The following ZNF875 variants were observed in gnomAD, a reference collection of about 807,000 sequenced individuals.
ZNF875 encodes the protein zinc finger protein 875.
In ZNF875, 14 loss-of-function variants were observed where a neutral mutation model predicts 11.2. That is an observed-to-expected ratio of 1.26 (90% CI 0.83 to 1.96). The LOEUF is 1.96. Ranked by LOEUF, ZNF875 falls within the 30% of genes most tolerant of loss-of-function variation. The pLI, the probability that ZNF875 is intolerant of heterozygous loss-of-function variation, is 0.00. For missense variants in ZNF875, 752 were observed against 760.4 expected, an observed-to-expected ratio of 0.99 and a Z score of 0.13; for synonymous variants, 301 against 281.1, an observed-to-expected ratio of 1.07 and a Z score of -0.71.
chr19:37,349,602 AT>A (rs1444740823), intron 4 of ZNF875, among the ~76,000 whole-genome samples: 3 of 152,130 alleles, frequency 2.0e-5, no homozygotes, highest in Admixed American at 6.5e-5. Context: ...AAAATAAATC[AT>A]TGAGGTGAAC....
intron 2 of ZNF875, among the ~76,000 whole-genome samples, chr19:37,322,794 G>A (rs751240413): frequency 6.6e-6 from 1 of 152,166 alleles, no homozygotes; most frequent in Non-Finnish European, 1.5e-5. Context: ...TTACAGGGAA[G>A]CCCATATTTT....
intron 4 of ZNF875, among the ~76,000 whole-genome samples, chr19:37,361,011 C>A (rs1028259417): frequency 1.1e-4 from 17 of 151,130 alleles, no homozygotes; most frequent in Admixed American, 7.9e-4. Context: ...TTTATGCTTA[C>A]AAAATTATAT....
upstream of ZNF875, among the ~76,000 whole-genome samples, chr19:37,333,971 A>G (rs1047514360): frequency 2.0e-5 from 3 of 151,938 alleles, no homozygotes; most frequent in Non-Finnish European, 4.4e-5. Flanking sequence ...CCAGCCTCCA[A>G]TAAAAACCTC....
chr19:37,355,985 C>T lies in ZNF875; in HGVS notation c.257-6124C>T, dbSNP rs771524249. 5.7e-4 allele frequency among the ~76,000 whole-genome samples: 86 copies of T among 152,172 alleles called. No individual in the cohort carries two copies. The Middle Eastern group carries it at 0.034, about 60-fold the overall frequency. ...TGTCTATTATTTCCATCTTTATGTC[C>T]GTGTGTACCCATTGTTTAGCTCCTA... On this transcript the variant is annotated intron_variant, in intron 4 of 4. Coordinates refer to ENST00000392153, the MANE Select transcript of ZNF875 (RefSeq NM_001353803.2).
At chr19:37,344,315 G>A (rs1007572490) in intron 2 of ZNF875, among the ~76,000 whole-genome samples, 2 of 152,008 alleles carry the variant, frequency 1.3e-5, no homozygotes, top group Non-Finnish European at 2.9e-5. Context: ...AACATTGCTG[G>A]GCTCCCCCCG....
intron 4 of ZNF875, among the ~76,000 whole-genome samples, chr19:37,352,308 G>T (rs530230232): frequency 2.0e-5 from 3 of 151,798 alleles, no homozygotes; most frequent in South Asian, 2.1e-4. Context: ...GAGATGCCAC[G>T]ACCAAACACC....
At chr19:37,353,317 A>C (rs931288156) in intron 4 of ZNF875, among the ~76,000 whole-genome samples, 1 of 152,224 alleles carries the variant, frequency 6.6e-6, no homozygotes, top group Non-Finnish European at 1.5e-5. Context: ...TAATGTAAGA[A>C]TCTCACAAGA....
chr19:37,331,346 C>T (rs1304601411), upstream of ZNF875, among the ~76,000 whole-genome samples: 1 of 151,020 alleles, frequency 6.6e-6, no homozygotes, highest in East Asian at 2.0e-4. Context: ...TCTCCTGCCT[C>T]ACCCTCCCAA....
intron 2 of ZNF875, 134 bp downstream of exon 2, chr19:37,335,391 G>A: frequency 1.8e-6 from 1 of 563,706 alleles, no homozygotes; most frequent in South Asian, 2.1e-5. Flanking sequence ...CATAGAACAA[G>A]GAGGATTTTG....
At chr19:37,329,774 A>G (rs531955230), upstream of ZNF875, among the ~76,000 whole-genome samples, 1 of 152,260 alleles carries the variant, frequency 6.6e-6, no homozygotes, top group Non-Finnish European at 1.5e-5. Flanking sequence ...AGTGGACTAC[A>G]GTGTGGTACC....
chr19:37,327,526 G>C (rs1163426207), intron 4 of ZNF875, among the ~76,000 whole-genome samples: 3 of 151,878 alleles, frequency 2.0e-5, no homozygotes, highest in Non-Finnish European at 1.5e-5. Flanking sequence ...CCAGCACTTT[G>C]GGAGGCCGAG....
chr19:37,339,368 A>G (rs775017418), intron 2 of ZNF875, among the ~76,000 whole-genome samples: 8 of 151,896 alleles, frequency 5.3e-5, no homozygotes, highest in Non-Finnish European at 8.8e-5. Flanking sequence ...TTGTTTCCCA[A>G]TTTTTGGACT....
At position 37,364,192 on chromosome 19, in the gene ZNF875, C is replaced by T. The variant is rs756726560; in HGVS notation, c.*417C>T. ...GTGCTTTCCTCCGATTGATCCCAAC[C>T]CTTCACCTATTTTACGTATACCTGC... On this transcript the variant is annotated 3_prime_UTR_variant, in exon 5 of 5. Coordinates refer to ENST00000392153, the MANE Select transcript of ZNF875 (RefSeq NM_001353803.2). 1 of 185,974 alleles carries T rather than the reference C, an allele frequency of 5.4e-6. No individual in the cohort carries two copies. Among genetic ancestry groups the T allele is most frequent in the East Asian group, 1.5e-4 (1 of 6,862 alleles). 11.5% of individuals were successfully genotyped at this position (185,974 alleles called of 1,614,324 possible). A position where few individuals can be genotyped will look rare whatever the true frequency, so the allele number is the denominator to read the frequency against.
chr19:37,351,016 C>T (rs1002464327), intron 4 of ZNF875, among the ~76,000 whole-genome samples: 1 of 151,752 alleles, frequency 6.6e-6, no homozygotes, highest in East Asian at 1.9e-4. Context: ...GTTGGCCAAC[C>T]TAGTCTCGAA....
rs1262782218 is a variant in ZNF875 at position 37,363,669 on chromosome 19, A to G, written c.1817A>G (p.His606Arg). ...AGCCGGCAGTCACACCTCATTAGACACCAGAGGACACATTCAGGAGAGAAG... is the reference window on the plus strand; with the variant it reads ...AGCCGGCAGTCACACCTCATTAGACGCCAGAGGACACATTCAGGAGAGAAG... ...GFSRQSHLIR[H>R]QRTHSGEKPY... Residue 606 changes from histidine to arginine, a missense_variant, in exon 5 of 5, where the codon CAC (histidine) becomes CGC (arginine). Coordinates refer to ENST00000392153, the MANE Select transcript of ZNF875 (RefSeq NM_001353803.2). The G allele has an allele frequency of 1.9e-6, 3 of 1,613,586 alleles. No homozygotes were observed. The Admixed American group carries it at 5.0e-5, about 27-fold the overall frequency.
At position 37,361,469 on chromosome 19, in the gene ZNF875, T is replaced by C. The variant is rs116451998; in HGVS notation, c.257-640T>C. On this transcript the variant is annotated intron_variant, in intron 4 of 4. Coordinates refer to ENST00000392153, the MANE Select transcript of ZNF875 (RefSeq NM_001353803.2). ...CTTTTCCTTCTCCTCCTCCTCCTCC[T>C]TCTTCTTCCTTCCTTTCTCTTTCTC... Among the ~76,000 whole-genome samples the C allele has an allele frequency of 7.2e-3, 1,094 of 152,248 alleles. 12 individuals are homozygous for C. Among genetic ancestry groups the C allele is most frequent in the African/African-American group, 0.025 (1,049 of 41,534 alleles).
upstream of ZNF875, among the ~76,000 whole-genome samples, chr19:37,330,920 G>A (rs1034351472): frequency 2.6e-5 from 4 of 152,062 alleles, no homozygotes; most frequent in Non-Finnish European, 5.9e-5. Context: ...GGGCGTGGTG[G>A]CTCACGCCTG....
At chr19:37,327,455 T>C (rs2032666682) in intron 4 of ZNF875, among the ~76,000 whole-genome samples, 1 of 152,156 alleles carries the variant, frequency 6.6e-6, no homozygotes, top group African/African-American at 2.4e-5. Flanking sequence ...TTTAGAGATT[T>C]CATTAAACTA....
At chr19:37,347,162 G>T (rs1409914203) in intron 2 of ZNF875, 28 bp from the exon 3 acceptor site, 1 of 1,613,412 alleles carries the variant, frequency 6.2e-7, no homozygotes, top group Non-Finnish European at 8.5e-7. Flanking sequence ...AGGCTCCTGG[G>T]TGAGCAGAGG....
Sources: allele counts gnomAD v4.1 joint callset (sites outside exome capture counted in the v4.1 genomes callset), GRCh38; gene constraint gnomAD v4.1.1; transcripts MANE v1.5; gene names NCBI Gene and HGNC (gene_info 2026-07-23, HGNC 2026-07-21).